SERPINI1: variants seen among roughly 807,000 people sequenced by gnomAD.
SERPINI1 encodes serpin family I member 1.
In SERPINI1, 19 loss-of-function variants were observed where a neutral mutation model predicts 41.1. That is an observed-to-expected ratio of 0.46 (90% confidence interval 0.32 to 0.68). The LOEUF (loss-of-function observed/expected upper bound fraction) is 0.68, where lower values mean the gene tolerates loss of function less well. Among genes scored for constraint, SERPINI1 ranks in the 30% least tolerant of loss-of-function variants. The probability of loss-of-function intolerance (pLI) is 0.03; values close to 1 mark genes in which losing one functional copy is unlikely to be tolerated. For synonymous variants in SERPINI1, 138 were observed against 156.6 expected (o/e 0.88, Z 0.89); for missense variants, 460 against 479.2 (o/e 0.96, Z 0.37).
At chr3:167,791,017 A>G (rs901438983) in intron 3 of SERPINI1, among the ~76,000 whole-genome samples, 3 of 152,138 alleles carry the variant, frequency 2.0e-5, no homozygotes, top group Non-Finnish European at 4.4e-5. Context: ...TTGGCTTTTG[A>G]ACCAAAGAAC....
At chr3:167,790,712 T>C in intron 3 of SERPINI1, 110 bp downstream of exon 3, 1 of 776,962 alleles carries the variant, frequency 1.3e-6, no homozygotes, top group South Asian at 1.6e-5. Flanking sequence ...TGAGAGCATT[T>C]AGTTGGGTAT....
intron 1 of SERPINI1, among the ~76,000 whole-genome samples, chr3:167,751,076 T>C (rs545661080): frequency 5.3e-5 from 8 of 152,146 alleles, no homozygotes; most frequent in Non-Finnish European, 1.2e-4. Context: ...TTACTTTAAA[T>C]TAGGCATTTC....
At chr3:167,794,589 GCA>G (rs1478165142) in intron 4 of SERPINI1, 29 bp from the exon 5 acceptor site, 2 of 1,592,436 alleles carry the variant, frequency 1.3e-6, no homozygotes, top group Non-Finnish European at 1.7e-6. Context: ...GCTTTGATAG[GCA>G]TCTTTTATGG....
At chr3:167,736,009 G>C (rs944515073) in intron 1 of SERPINI1, 186 bp downstream of exon 1, 3 of 152,162 alleles carry the variant, frequency 2.0e-5, no homozygotes, top group African/African-American at 7.2e-5. Context: ...CTTGACTCTG[G>C]GTATAAAGGG....
At chr3:167,763,854 G>T (rs1416134155) in intron 1 of SERPINI1, among the ~76,000 whole-genome samples, 1 of 152,042 alleles carries the variant, frequency 6.6e-6, no homozygotes, top group Non-Finnish European at 1.5e-5. Flanking sequence ...TAGTTGTATT[G>T]TCTCTCTTTT....
intron 1 of SERPINI1, among the ~76,000 whole-genome samples, chr3:167,753,920 T>A (rs1294870127): frequency 1.3e-5 from 2 of 152,218 alleles, no homozygotes; most frequent in African/African-American, 4.8e-5. Context: ...TGATAGAGTG[T>A]CTCTCTGGAT....
chr3:167,817,722 C>T lies in SERPINI1; in HGVS notation c.980-5264C>T, dbSNP rs957922102. The stretch of plus-strand genomic sequence containing the variant: ...ACGCCATTCTCCTGCCTCAGCCTCC[C>T]GAGTAGCTGGGACTACAGGCGCCCA... On this transcript the variant is annotated intron_variant, in intron 6 of 8. Coordinates refer to ENST00000446050, the MANE Select transcript of SERPINI1 (RefSeq NM_001122752.2). 2.0e-5 allele frequency among the ~76,000 whole-genome samples: 3 copies of T among 152,002 alleles called. No homozygotes were observed. In the East Asian group the frequency reaches 5.8e-4, roughly 30 times the overall value.
chr3:167,821,363 G>A (rs952857398), intron 6 of SERPINI1, among the ~76,000 whole-genome samples: 23 of 152,190 alleles, frequency 1.5e-4, no homozygotes, highest in Admixed American at 2.6e-4. Flanking sequence ...GAAGCTCTGC[G>A]GTTCCCGGTG....
chr3:167,815,091 G>A (rs752568069), intron 6 of SERPINI1, among the ~76,000 whole-genome samples: 5 of 152,134 alleles, frequency 3.3e-5, no homozygotes, highest in East Asian at 1.9e-4. Context: ...CCTGGTACCC[G>A]GCAGTGTGCA....
intron 1 of SERPINI1, among the ~76,000 whole-genome samples, chr3:167,746,071 A>G (rs1323389696): frequency 2.0e-5 from 3 of 152,186 alleles, no homozygotes; most frequent in African/African-American, 7.2e-5. Context: ...GGACTCACAT[A>G]GAAATGCAAG....
Position 167,789,125 on chromosome 3 carries a change from C to G in SERPINI1, c.-4C>G. On this transcript the variant is annotated 5_prime_UTR_variant, in exon 2 of 9. Coordinates refer to ENST00000446050, the MANE Select transcript of SERPINI1 (RefSeq NM_001122752.2). ...TTGTTTTTTAGGCTTGAAACTGTTA[C>G]AATATGGCTTTCCTTGGACTCTTCT... 1 of 1,613,764 alleles carries G rather than the reference C, an allele frequency of 6.2e-7. No individual in the cohort carries two copies. Among genetic ancestry groups the G allele is most frequent in the Non-Finnish European group, 8.5e-7 (1 of 1,179,952 alleles).
intron 3 of SERPINI1, among the ~76,000 whole-genome samples, chr3:167,791,269 A>G (rs1382012843): frequency 6.6e-6 from 1 of 152,194 alleles, no homozygotes; most frequent in Non-Finnish European, 1.5e-5. Context: ...TTAAAAGTAA[A>G]TTTTTATAGC....
intron 5 of SERPINI1, among the ~76,000 whole-genome samples, chr3:167,798,865 G>A (rs1727800408): frequency 1.3e-5 from 2 of 152,110 alleles, no homozygotes; most frequent in Non-Finnish European, 2.9e-5. Context: ...GGGGGCAAGG[G>A]TGGAAAAACT....
In SERPINI1 at chr3:167,767,017, A is replaced by G. The variant is rs149356081; in HGVS notation, c.-18-22094A>G. Among the ~76,000 whole-genome samples the G allele has an allele frequency of 2.6e-5, 4 of 152,326 alleles. No homozygotes were observed. In the East Asian group the frequency reaches 7.7e-4, roughly 29 times the overall value. Reference sequence around the variant, plus strand: ...TGGCTACACTAAACAACATATTTTCACTGTCGATGAAACACCCTTATACTG... The same window carrying G: ...TGGCTACACTAAACAACATATTTTCGCTGTCGATGAAACACCCTTATACTG... On this transcript the variant is annotated intron_variant, in intron 1 of 8. Coordinates refer to ENST00000446050, the MANE Select transcript of SERPINI1 (RefSeq NM_001122752.2).
In SERPINI1 at chr3:167,789,380, T is replaced by C; in HGVS notation, c.250+2T>C. 1 of 1,613,944 alleles carries C rather than the reference T, an allele frequency of 6.2e-7. No individual in the cohort carries two copies. The highest frequency in any genetic ancestry group is 8.5e-7 in the Non-Finnish European group (1 of 1,179,850). On this transcript the variant is annotated splice_donor_variant, in intron 2 of 8. Coordinates refer to ENST00000446050, the MANE Select transcript of SERPINI1 (RefSeq NM_001122752.2). LOFTEE classifies it high-confidence loss of function. ...TGGGATATGACAGCCTAAAAAATGG[T>C]AAGAGTGATCAGGTTTGATTTCTCA...
chr3:167,792,359 A>G (rs1323932865), intron 3 of SERPINI1, among the ~76,000 whole-genome samples: 6 of 123,636 alleles, frequency 4.9e-5, no homozygotes, highest in African/African-American at 2.1e-4. Context: ...ACATATATAT[A>G]TACACACATA....
intron 6 of SERPINI1, among the ~76,000 whole-genome samples, chr3:167,810,051 C>T (rs1711812678): frequency 6.6e-6 from 1 of 152,118 alleles, no homozygotes; most frequent in African/African-American, 2.4e-5. Flanking sequence ...TTACATTCCC[C>T]ATGCCATGCA....
intron 5 of SERPINI1, among the ~76,000 whole-genome samples, chr3:167,795,496 G>A (rs1380162181): frequency 6.6e-6 from 1 of 152,068 alleles, no homozygotes; most frequent in Non-Finnish European, 1.5e-5. Flanking sequence ...TCATGTCTCT[G>A]AATCTCCACT....
chr3:167,761,250 G>A (rs926355318), intron 1 of SERPINI1, among the ~76,000 whole-genome samples: 1 of 152,202 alleles, frequency 6.6e-6, no homozygotes, highest in Non-Finnish European at 1.5e-5. Flanking sequence ...AAAGTTTGGT[G>A]ATAGAAATTT....
Sources: allele counts gnomAD v4.1 joint callset (sites outside exome capture counted in the v4.1 genomes callset), GRCh38; gene constraint gnomAD v4.1.1; transcripts MANE v1.5; gene names NCBI Gene and HGNC (gene_info 2026-07-23, HGNC 2026-07-21).